The following IPO13 variants were observed in gnomAD, a reference collection of about 807,000 sequenced individuals.
IPO13 encodes importin-13.
IPO13 carries 28 observed loss-of-function variants against 115.5 expected under a neutral mutation model. The observed-to-expected ratio is 0.24, with a 90% CI of 0.18 to 0.33. The LOEUF is 0.33. IPO13 is among the 10% of genes least tolerant of loss of function. IPO13 has a pLI of 1.00. For missense variants in IPO13, 785 were observed against 1,204.6 expected, an observed-to-expected ratio of 0.65 and a Z score of 5.16; for synonymous variants, 414 against 478.9, an observed-to-expected ratio of 0.86 and a Z score of 1.77.
Position 43,958,931 on chromosome 1 carries a change from A to G in IPO13, c.2028+42A>G. 6.3e-7 allele frequency: 1 copy of G among 1,590,640 alleles called. No individual in the cohort carries two copies. Among genetic ancestry groups the G allele is most frequent in the Non-Finnish European group, 8.6e-7 (1 of 1,160,714 alleles). On this transcript the variant is annotated intron_variant, in intron 11 of 19. Coordinates refer to ENST00000372343, the MANE Select transcript of IPO13 (RefSeq NM_014652.4). This position sits in a 1 kb window ranked among gnomAD's most constrained non-coding sequence, Gnocchi z 6.3. ...CACGGCAAAGACATTTGTCTTTGCC[A>G]TCCCCCCAACCCCCACCTGTGGGAA...
At position 43,949,565 on chromosome 1, in the gene IPO13, G is replaced by C. The variant is rs1283010809; in HGVS notation, c.233G>C (p.Gly78Ala). The change falls in exon 2 of 20, where the codon GGG (glycine) becomes GCG (alanine). Residue 78 changes from glycine (G) to alanine (A), a missense_variant. By Grantham distance (60) the Gly-to-Ala change is moderately conservative (BLOSUM62 0). Transcript: ENST00000372343. ...AAGGTACCAGAGATCCAGTACTTTGGGGCCAGTGCTCTTCACATCAAGATC... is the reference window on the plus strand; with the variant it reads ...AAGGTACCAGAGATCCAGTACTTTGCGGCCAGTGCTCTTCACATCAAGATC... ...PDKVPEIQYFGASALHIKISR... is the reference protein window; with the variant it reads ...PDKVPEIQYFAASALHIKISR... The C allele has an allele frequency of 6.2e-7, 1 of 1,614,188 alleles. No homozygotes were observed. The highest frequency in any genetic ancestry group is 1.1e-5 in the South Asian group (1 of 91,086).
intron 13 of IPO13, 57 bp downstream of exon 13, chr1:43,961,070 C>T (rs2085286469): frequency 1.2e-6 from 2 of 1,610,694 alleles, no homozygotes; most frequent in East Asian, 4.5e-5. Flanking sequence ...GGTCAGATGG[C>T]TGCCGTGGCT....
Position 43,961,150 on chromosome 1 carries a change from C to T in IPO13, c.2248-16C>T. 6.2e-7 allele frequency: 1 copy of T among 1,611,542 alleles called. No individual in the cohort carries two copies. The highest frequency in any genetic ancestry group is 8.5e-7 in the Non-Finnish European group (1 of 1,177,626). On this transcript the variant is annotated splice_polypyrimidine_tract_variant and intron_variant, in intron 13 of 19. Coordinates refer to ENST00000372343, the MANE Select transcript of IPO13 (RefSeq NM_014652.4). ...GACTGGGTCTCAGCTGACCAGCATT[C>T]CCTGCTTTCTCGTAGCTGGTCCACA...
intron 5 of IPO13, 45 bp from the exon 6 acceptor site, chr1:43,957,150 G>C: frequency 6.2e-7 from 1 of 1,600,480 alleles, no homozygotes; most frequent in Non-Finnish European, 8.5e-7. Flanking sequence ...GCAGGATCCA[G>C]GGTCAGGATC....
chr1:43,951,618 C>T (rs572286490), intron 2 of IPO13, among the ~76,000 whole-genome samples: 5 of 152,138 alleles, frequency 3.3e-5, no homozygotes, highest in Middle Eastern at 3.4e-3. Flanking sequence ...ATCCTGAAGA[C>T]GATATAAAGA....
rs928359011 is a variant in IPO13 at position 43,966,229 on chromosome 1, G to A, written c.2398-346G>A. On this transcript the variant is annotated intron_variant, in intron 15 of 19. Coordinates refer to ENST00000372343, the MANE Select transcript of IPO13 (RefSeq NM_014652.4). This position sits in a 1 kb window ranked among gnomAD's most constrained non-coding sequence, Gnocchi z 4.1. ...CTTAACTCCCTCTGTGAATCAACAT[G>A]AAGTCACTGCTGGCAACCTAGAGCC... is the stretch of plus-strand genomic sequence containing the variant. 12 of 414,478 alleles carry A rather than the reference G, an allele frequency of 2.9e-5. No individual in the cohort carries two copies. Among genetic ancestry groups the A allele is most frequent in the Non-Finnish European group, 5.0e-5 (11 of 220,670 alleles). 25.7% of individuals were successfully genotyped at this position (414,478 alleles called of 1,614,324 possible). A position where few individuals can be genotyped will look rare whatever the true frequency, so the allele number is the denominator to read the frequency against.
intron 12 of IPO13, 134 bp from the exon 13 acceptor site, chr1:43,960,742 A>C: frequency 8.5e-7 from 1 of 1,178,490 alleles, no homozygotes; most frequent in East Asian, 2.4e-5. Flanking sequence ...AGACTTGCTT[A>C]CCTTCCTTGG....
chr1:43,962,320 G>C (rs1025546982), intron 14 of IPO13, among the ~76,000 whole-genome samples: 2 of 152,168 alleles, frequency 1.3e-5, no homozygotes, highest in African/African-American at 2.4e-5. Flanking sequence ...CGTGGCCACT[G>C]CCTCAGTTTA....
chr1:43,961,543 G>A (rs1458765442), intron 14 of IPO13, among the ~76,000 whole-genome samples: 1 of 152,174 alleles, frequency 6.6e-6, no homozygotes, highest in Non-Finnish European at 1.5e-5. Context: ...CAGAGGCTCT[G>A]AGGGGCTTGG....
intron 1 of IPO13, among the ~76,000 whole-genome samples, chr1:43,948,272 G>T (rs187114508): frequency 9.1e-4 from 139 of 152,264 alleles, no homozygotes; most frequent in African/African-American, 3.3e-3. Context: ...CTCCCTACTC[G>T]CCTGCCCACA....
chr1:43,965,370 G>A (rs578078132), intron 15 of IPO13, among the ~76,000 whole-genome samples: 5 of 152,048 alleles, frequency 3.3e-5, no homozygotes, highest in South Asian at 2.1e-4. Context: ...ATATGATAGC[G>A]AGCAAAACCA....
chr1:43,953,153 C>G (rs1021930640), intron 2 of IPO13: 2 of 152,218 alleles, frequency 1.3e-5, no homozygotes, highest in Non-Finnish European at 2.9e-5. Context: ...TCCTTGGTGC[C>G]CATTGGCTGC....
Position 43,958,411 on chromosome 1 carries a change from C to G in IPO13, c.1750-50C>G. Reference sequence around the variant, plus strand: ...CCCAAGAGGCTCATTTTCCTTCCTACCCCACAACTAGATGTGGCCAGGACT... The same window carrying G: ...CCCAAGAGGCTCATTTTCCTTCCTAGCCCACAACTAGATGTGGCCAGGACT... On this transcript the variant is annotated intron_variant, in intron 9 of 19. Coordinates refer to ENST00000372343, the MANE Select transcript of IPO13 (RefSeq NM_014652.4). This position sits in a 1 kb window ranked among gnomAD's most constrained non-coding sequence, Gnocchi z 6.3. The G allele has an allele frequency of 6.2e-7, 1 of 1,612,206 alleles. No individual in the cohort carries two copies. The highest frequency in any genetic ancestry group is 1.3e-5 in the African/African-American group (1 of 74,910).
intron 2 of IPO13, among the ~76,000 whole-genome samples, chr1:43,951,224 G>A (rs1398602245): frequency 6.6e-6 from 1 of 152,226 alleles, no homozygotes; most frequent in Non-Finnish European, 1.5e-5. Flanking sequence ...TGAGCTCTGG[G>A]AGCACAGAGA....
Position 43,967,691 on chromosome 1 carries a change from C to T in IPO13, c.*9C>T. The T allele has an allele frequency of 6.2e-7, 1 of 1,611,206 alleles. No individual in the cohort carries two copies. Among genetic ancestry groups the T allele is most frequent in the Non-Finnish European group, 8.5e-7 (1 of 1,177,348 alleles). ...ACACAGCTGACTACTGAGGGGTGCCCCCATCCCATCCACCCCTTCTCTTCA... is the reference window on the plus strand; with the variant it reads ...ACACAGCTGACTACTGAGGGGTGCCTCCATCCCATCCACCCCTTCTCTTCA... On this transcript the variant is annotated 3_prime_UTR_variant, in exon 20 of 20. Transcript: ENST00000372343. The surrounding 1 kb of genome is among the most constrained non-coding windows in gnomAD (Gnocchi z 6.1).
intron 1 of IPO13, among the ~76,000 whole-genome samples, chr1:43,948,735 G>C (rs190076094): frequency 6.6e-6 from 1 of 152,196 alleles, no homozygotes; most frequent in African/African-American, 2.4e-5. Flanking sequence ...ATAAAGTCCC[G>C]TTGGAATTGA....
rs150955135 is a variant in IPO13, at chr1:43,961,321, A to G, written c.2344+59A>G. On this transcript the variant is annotated intron_variant, in intron 14 of 19. Coordinates refer to ENST00000372343, the MANE Select transcript of IPO13 (RefSeq NM_014652.4). ...CACTGCCACTGCCTCTGCTTCCCCA[A>G]ATGGGGAGCCAAAGCTGCCCACTCT... 3.4e-4 allele frequency: 472 copies of G among 1,369,476 alleles called. 3 individuals carry two copies. The African/African-American group carries it at 5.3e-3, about 15-fold the overall frequency. 84.8% of individuals were successfully genotyped at this position (1,369,476 alleles called of 1,614,324 possible). A position where few individuals can be genotyped will look rare whatever the true frequency, so the allele number is the denominator to read the frequency against.
At chr1:43,957,693 C>A (rs2085260831) in intron 7 of IPO13, 144 bp downstream of exon 7, 3 of 1,091,412 alleles carry the variant, frequency 2.7e-6, no homozygotes, top group Admixed American at 2.2e-5. Context: ...ACTGTCCTGG[C>A]AGGTCTAGGG....
In IPO13 at chr1:43,947,310, G is replaced by C. The variant is rs1467963020; in HGVS notation, c.-291G>C. On this transcript the variant is annotated 5_prime_UTR_variant, in exon 1 of 20. Transcript: ENST00000372343. The stretch of plus-strand genomic sequence containing the variant: ...TGTGACTCCCTCCACACAGATTCTG[G>C]GGACAGAGCTGTTACCTGCCACTAG... 1.5e-5 allele frequency: 6 copies of C among 399,020 alleles called. No homozygotes were observed. The highest frequency in any genetic ancestry group is 2.2e-5 in the Non-Finnish European group (5 of 226,300). 24.7% of individuals were successfully genotyped at this position (399,020 alleles called of 1,614,324 possible).
Sources: allele counts gnomAD v4.1 joint callset (sites outside exome capture counted in the v4.1 genomes callset), GRCh38; gene constraint gnomAD v4.1.1; non-coding constraint Gnocchi (gnomAD v3.1); transcripts MANE v1.5; gene names NCBI Gene and HGNC (gene_info 2026-07-23, HGNC 2026-07-21).